FAAH2: variants seen among roughly 807,000 people sequenced by gnomAD.
FAAH2 encodes fatty-acid amide hydrolase 2.
In FAAH2, 60 loss-of-function variants were observed where a neutral mutation model predicts 36.9. The ratio of observed to expected loss-of-function variants is 1.63; its 90% confidence interval spans 1.32 to 2.02. The LOEUF (loss-of-function observed/expected upper bound fraction) is 2.02. FAAH2 is among the 30% of genes most tolerant of loss of function. The pLI is 0.00. For synonymous variants in FAAH2, 214 were observed against 143.8 expected, an observed-to-expected ratio of 1.49 and a Z score of -3.49; for missense variants, 689 against 397.5, an observed-to-expected ratio of 1.73 and a Z score of -6.23.
the FAAH2 span, among the ~76,000 whole-genome samples, chrX:57,222,518 G>T: frequency 3.1e-3 from 345 of 111,998 alleles, 1 homozygote; most frequent in African/African-American, 0.011. Context: ...AGCATTGGTG[G>T]CAGCTGCTGT....
intron 3 of FAAH2, among the ~76,000 whole-genome samples, chrX:57,323,979 A>T (rs1460233030): frequency 1.8e-5 from 2 of 111,648 alleles, no homozygotes; most frequent in African/African-American, 6.5e-5. Context: ...TTTAGGTCTA[A>T]CATTTAAGTC....
At chrX:57,132,864 C>A in the FAAH2 span, among the ~76,000 whole-genome samples, 3 of 112,188 alleles carry the variant, frequency 2.7e-5, no homozygotes, top group African/African-American at 9.7e-5. Flanking sequence ...TCCCCATTAC[C>A]TCTCTGAAAC....
intron 5 of FAAH2, among the ~76,000 whole-genome samples, chrX:57,367,584 G>T (rs1440686304): frequency 1.8e-5 from 2 of 112,338 alleles, no homozygotes; most frequent in Non-Finnish European, 3.8e-5. Flanking sequence ...ATCTGAAAAA[G>T]AATGCTAGAG....
chrX:57,241,285 G>A, the FAAH2 span, among the ~76,000 whole-genome samples: 1 of 112,052 alleles, frequency 8.9e-6, no homozygotes, highest in Non-Finnish European at 1.9e-5. Flanking sequence ...CTCCACATAG[G>A]AATCAGCAAA....
At chrX:57,364,009 G>GTTTTTTTT (rs59787885) in intron 5 of FAAH2, among the ~76,000 whole-genome samples, 37 of 46,545 alleles carry the variant, frequency 7.9e-4, no homozygotes, top group Non-Finnish European at 8.7e-4. Flanking sequence ...GGCCTGTAGG[G>GTTTTTTTT]TTTTTTTTTT....
intron 7 of FAAH2, among the ~76,000 whole-genome samples, chrX:57,410,458 G>A (rs372807579): frequency 2.1e-4 from 23 of 111,664 alleles, no homozygotes; most frequent in African/African-American, 6.8e-4. Context: ...TGAAAGTGGA[G>A]TGTTGAAGTA....
intron 5 of FAAH2, among the ~76,000 whole-genome samples, chrX:57,352,844 T>A (rs1349871093): frequency 1.8e-5 from 2 of 110,972 alleles, no homozygotes; most frequent in Non-Finnish European, 3.8e-5. Context: ...GAAGGCAATC[T>A]CATTTATGAT....
At chrX:57,379,685 C>T (rs182963663) in intron 6 of FAAH2, among the ~76,000 whole-genome samples, 4 of 110,143 alleles carry the variant, frequency 3.6e-5, no homozygotes, top group African/African-American at 1.3e-4. Context: ...CGCTTTTTGC[C>T]CCATTGCCAG....
At chrX:57,299,470 C>T (rs1190598218) in intron 2 of FAAH2, among the ~76,000 whole-genome samples, 1 of 111,094 alleles carries the variant, frequency 9.0e-6, no homozygotes, top group Non-Finnish European at 1.9e-5. Context: ...ATAATAAGAG[C>T]TATCTATGAC....
chrX:57,359,526 C>T (rs1174378508), intron 5 of FAAH2, among the ~76,000 whole-genome samples: 1 of 111,501 alleles, frequency 9.0e-6, no homozygotes, highest in East Asian at 2.8e-4. Context: ...GCACCTGTCC[C>T]AAATAATATA....
intron 8 of FAAH2, among the ~76,000 whole-genome samples, chrX:57,439,883 G>T (rs1337955687): frequency 1.8e-5 from 2 of 111,394 alleles, no homozygotes; most frequent in African/African-American, 3.3e-5. Context: ...TCTTGTTTTT[G>T]TCAGGTTTGT....
chrX:57,376,681 T>C (rs1173646841), intron 5 of FAAH2, among the ~76,000 whole-genome samples: 1 of 112,080 alleles, frequency 8.9e-6, no homozygotes, highest in African/African-American at 3.2e-5. Context: ...GTAATGGGAT[T>C]GCTGGGTCAA....
chrX:57,215,113 A>G, the FAAH2 span, among the ~76,000 whole-genome samples: 1 of 108,973 alleles, frequency 9.2e-6, no homozygotes, highest in Non-Finnish European at 1.9e-5. Context: ...AAACTTACAA[A>G]AAAAAAAAAA....
chrX:57,152,212 G>T, the FAAH2 span, among the ~76,000 whole-genome samples: 4 of 112,351 alleles, frequency 3.6e-5, no homozygotes, highest in African/African-American at 1.3e-4. Flanking sequence ...GCTGCTCGGG[G>T]GTTAGGGTCC....
At chrX:57,347,604 GTT>G (rs61323098) in intron 5 of FAAH2, among the ~76,000 whole-genome samples, 70 of 77,704 alleles carry the variant, frequency 9.0e-4, no homozygotes, top group African/African-American at 4.2e-3. Flanking sequence ...GGGATGCTAA[GTT>G]TTTTTTTTTT....
chrX:57,315,526 C>G (rs973984785), intron 3 of FAAH2, among the ~76,000 whole-genome samples: 2 of 111,231 alleles, frequency 1.8e-5, no homozygotes, highest in African/African-American at 6.5e-5. Context: ...TTCTAGCAAA[C>G]CAAATCCAGC....
intron 2 of FAAH2, among the ~76,000 whole-genome samples, chrX:57,299,913 C>T (rs2052289653): frequency 9.0e-6 from 1 of 111,023 alleles, no homozygotes; most frequent in African/African-American, 3.3e-5. Flanking sequence ...TGTGAAGGAC[C>T]TCTTCAAGGA....
intron 3 of FAAH2, among the ~76,000 whole-genome samples, chrX:57,325,778 C>CA (rs1249112124): frequency 1.9e-5 from 1 of 51,997 alleles, no homozygotes; most frequent in African/African-American, 7.6e-5. Context: ...TTGATCTTTT[C>CA]AAAAAACCAG....
intron 7 of FAAH2, among the ~76,000 whole-genome samples, chrX:57,407,717 G>A (rs764314208): frequency 4.5e-5 from 5 of 111,647 alleles, no homozygotes; most frequent in South Asian, 3.8e-4. Context: ...GAAGGGGCTC[G>A]CATTGGAGAA....
Sources: allele counts gnomAD v4.1 joint callset (sites outside exome capture counted in the v4.1 genomes callset), GRCh38; gene constraint gnomAD v4.1.1; transcripts MANE v1.5; gene names NCBI Gene and HGNC (gene_info 2026-07-23, HGNC 2026-07-21).